PARP4: variants seen among roughly 807,000 people sequenced by gnomAD.
PARP4 encodes protein mono-ADP-ribosyltransferase PARP4.
PARP4 carries 120 observed loss-of-function variants against 187.7 expected under a neutral mutation model. The observed-to-expected ratio is 0.64, with a 90% confidence interval of 0.55 to 0.74. PARP4 has a LOEUF of 0.74. PARP4 is among the 30% of genes least tolerant of loss of function. The probability of loss-of-function intolerance (pLI) is 0.00; values close to 1 mark genes in which losing one functional copy is unlikely to be tolerated. For missense variants in PARP4, 1,836 were observed against 2,070.5 expected, an observed-to-expected ratio of 0.89 and a Z score of 2.20; for synonymous variants, 654 against 740.9, an observed-to-expected ratio of 0.88 and a Z score of 1.90.
chr13:24,504,391 G>A (rs929284696), intron 1 of PARP4, among the ~76,000 whole-genome samples: 3 of 130,724 alleles, frequency 2.3e-5, no homozygotes, highest in African/African-American at 8.8e-5. Context: ...TCAGCTCACT[G>A]CAACCTCCGC....
rs368868767 is a variant in PARP4, at chr13:24,425,232, C to T, written c.4979+1234G>A. 6.8e-5 allele frequency among the ~76,000 whole-genome samples: 10 copies of T among 147,030 alleles called. No homozygotes were observed. The East Asian group carries it at 1.4e-3, about 20-fold the overall frequency. Reference sequence around the variant, plus strand: ...GGGAGGATGGCTTGAGCCCAGGAGGCGGAGGTTGCAGTGAGCTGAGATTGC... The same window carrying T: ...GGGAGGATGGCTTGAGCCCAGGAGGTGGAGGTTGCAGTGAGCTGAGATTGC... On this transcript the variant is annotated intron_variant, in intron 33 of 33. Coordinates refer to ENST00000381989, the MANE Select transcript of PARP4 (RefSeq NM_006437.4).
At chr13:24,429,372 C>T (rs1870219733) in intron 32 of PARP4, among the ~76,000 whole-genome samples, 2 of 152,152 alleles carry the variant, frequency 1.3e-5, no homozygotes, top group Admixed American at 6.5e-5. Flanking sequence ...CCTGCTTCTT[C>T]GTATGTTATT....
intron 1 of PARP4, among the ~76,000 whole-genome samples, chr13:24,504,460 C>T (rs1371945928): frequency 1.3e-5 from 2 of 151,588 alleles, no homozygotes; most frequent in South Asian, 2.1e-4. Flanking sequence ...ACTACATGCG[C>T]GCACCACCAC....
At chr13:24,441,028 C>T (rs1196181844) in intron 30 of PARP4, among the ~76,000 whole-genome samples, 5 of 152,246 alleles carry the variant, frequency 3.3e-5, no homozygotes, top group African/African-American at 1.2e-4. Flanking sequence ...AGCACCACCA[C>T]GCCCAGCTAA....
chr13:24,501,077 G>C (rs951935756), intron 3 of PARP4, among the ~76,000 whole-genome samples: 5 of 152,194 alleles, frequency 3.3e-5, no homozygotes, highest in African/African-American at 7.2e-5. Context: ...GCTCCACCCT[G>C]CCAAGTCAGT....
chr13:24,478,782 C>A (rs1873117382), intron 12 of PARP4, among the ~76,000 whole-genome samples: 1 of 152,156 alleles, frequency 6.6e-6, no homozygotes, highest in African/African-American at 2.4e-5. Context: ...TTATGTTGTG[C>A]TAGGCAGTGC....
intron 5 of PARP4, among the ~76,000 whole-genome samples, chr13:24,498,819 C>G (rs114666444): frequency 0.012 from 1,822 of 152,114 alleles, 33 homozygotes; most frequent in African/African-American, 0.042. Context: ...AGTGTAAATA[C>G]TTAGTGTCAA....
chr13:24,439,819 G>A (rs913002394), intron 30 of PARP4, among the ~76,000 whole-genome samples: 6 of 152,144 alleles, frequency 3.9e-5, no homozygotes, highest in African/African-American at 1.4e-4. Context: ...CCCCTGTGCA[G>A]TCAGAGAGAG....
rs1872054456 is a variant in PARP4 at position 24,459,200 on chromosome 13, T to C, written c.2345+64A>G. Reference sequence around the variant, plus strand: ...TGAAATTATTTCAAACAATTCTAAATGGAAATTTAAACCAGAAAACCAATA... The same window carrying C: ...TGAAATTATTTCAAACAATTCTAAACGGAAATTTAAACCAGAAAACCAATA... On this transcript the variant is annotated intron_variant, in intron 19 of 33. Transcript: ENST00000381989. The C allele has an allele frequency of 3.8e-6, 6 of 1,584,788 alleles. No individual in the cohort carries two copies. In the East Asian group the frequency reaches 1.1e-4, roughly 30 times the overall value.
chr13:24,423,611 T>C (rs1311885982), intron 33 of PARP4, among the ~76,000 whole-genome samples: 1 of 152,150 alleles, frequency 6.6e-6, no homozygotes, highest in African/African-American at 2.4e-5. Context: ...TTCTCATCTT[T>C]CTTGGCAAAC....
intron 30 of PARP4, among the ~76,000 whole-genome samples, chr13:24,436,846 A>C (rs1210224131): frequency 6.6e-6 from 1 of 152,210 alleles, no homozygotes; most frequent in Non-Finnish European, 1.5e-5. Context: ...AAAAAGGAGT[A>C]GTCCTTTCCC....
intron 15 of PARP4, among the ~76,000 whole-genome samples, chr13:24,475,129 T>G (rs749552720): frequency 1.3e-5 from 2 of 151,354 alleles, no homozygotes; most frequent in Non-Finnish European, 2.9e-5. Flanking sequence ...TCAAAGCCCC[T>G]GTCTTTCACA....
chr13:24,497,539 C>G (rs143985038), intron 6 of PARP4, among the ~76,000 whole-genome samples: 1,757 of 152,222 alleles, frequency 0.012, 41 homozygotes, highest in African/African-American at 0.039. Context: ...TCCCTTCTAG[C>G]GGGACCCTGT....
At chr13:24,457,471 T>A (rs1871925406) in intron 20 of PARP4, among the ~76,000 whole-genome samples, 1 of 152,158 alleles carries the variant, frequency 6.6e-6, no homozygotes, top group African/African-American at 2.4e-5. Context: ...ACTCTCTTGT[T>A]GCTACTGAGG....
intron 30 of PARP4, among the ~76,000 whole-genome samples, chr13:24,440,805 A>T (rs1593594757): frequency 6.6e-6 from 1 of 152,228 alleles, no homozygotes; most frequent in South Asian, 2.1e-4. Context: ...AGAGTTAAAA[A>T]ATAAAAAGGA....
At position 24,449,820 on chromosome 13, in the gene PARP4, G is replaced by A. The variant is rs563653706; in HGVS notation, c.3015-3C>T. 10 of 1,551,722 alleles carry A rather than the reference G, an allele frequency of 6.4e-6. No individual in the cohort carries two copies. The East Asian group carries it at 2.0e-4, about 31-fold the overall frequency. On this transcript the variant is annotated splice_polypyrimidine_tract_variant and splice_region_variant and intron_variant, in intron 24 of 33. Transcript: ENST00000381989. ...AGACGTGACGATTTGCTGTAGAACT[G>A]ATCACATTTCACATGTTTTAATTTT...
chr13:24,492,345 C>CG, intron 9 of PARP4, 76 bp downstream of exon 9: 2 of 987,306 alleles, frequency 2.0e-6, no homozygotes, highest in Admixed American at 4.7e-5. Flanking sequence ...AGTGTTACCT[C>CG]ATTCATCAGA....
At chr13:24,455,314 CT>C (rs1871766120) in intron 21 of PARP4, 102 bp from the exon 22 acceptor site, 1 of 680,940 alleles carries the variant, frequency 1.5e-6, no homozygotes, top group Non-Finnish European at 2.3e-6. Context: ...TAAACTAATG[CT>C]ATAAAAACAG....
chr13:24,491,219 C>G (rs1175251075), intron 9 of PARP4, among the ~76,000 whole-genome samples: 1 of 151,770 alleles, frequency 6.6e-6, no homozygotes, highest in Non-Finnish European at 1.5e-5. Flanking sequence ...CTCCTGGGTT[C>G]AAGCGATTCT....
Sources: gnomAD v4.1 joint callset for allele counts (sites outside exome capture counted in the v4.1 genomes callset) on GRCh38, gnomAD v4.1.1 for gene constraint, MANE v1.5 for transcripts, NCBI Gene and HGNC (gene_info 2026-07-23, HGNC 2026-07-21) for gene names.